CDH12: variants seen among roughly 807,000 people sequenced by gnomAD.
The protein encoded by CDH12 is cadherin-12.
Under a neutral mutation model 74.1 loss-of-function variants are expected in CDH12, and 41 were observed. The ratio of observed to expected loss-of-function variants is 0.55; its 90% CI spans 0.43 to 0.72. The LOEUF (loss-of-function observed/expected upper bound fraction) is 0.72. Among genes scored for constraint, CDH12 ranks in the 30% least tolerant of loss-of-function variants. CDH12 has a pLI of 0.00. For missense variants in CDH12, 945 were observed against 977.2 expected (o/e 0.97, Z 0.44); for synonymous variants, 399 against 355.0 (o/e 1.12, Z -1.39).
chr5:21,931,794 T>A lies in CDH12; in HGVS notation c.526+43297A>T, dbSNP rs553779293. The stretch of plus-strand genomic sequence containing the variant: ...TAAACCTTTTCTTGATTTTGTGTAC[T>A]AAGACTGGCCTTAAGAAGAGACAAA... On this transcript the variant is annotated intron_variant, in intron 6 of 14. Coordinates refer to ENST00000382254, the MANE Select transcript of CDH12 (RefSeq NM_004061.5). 2.8e-4 allele frequency among the ~76,000 whole-genome samples: 42 copies of A among 152,338 alleles called. 4 individuals carry two copies. In the South Asian group the frequency reaches 8.7e-3, roughly 32 times the overall value.
intron 1 of CDH12, among the ~76,000 whole-genome samples, chr5:22,653,406 T>G (rs1306069448): frequency 1.3e-5 from 2 of 151,556 alleles, no homozygotes; most frequent in Non-Finnish European, 2.9e-5. Flanking sequence ...CTGCTCTTCC[T>G]AAGGCCCACG....
chr5:22,486,195 C>T (rs1356625921), intron 2 of CDH12, among the ~76,000 whole-genome samples: 4 of 152,252 alleles, frequency 2.6e-5, no homozygotes, highest in East Asian at 3.9e-4. Context: ...CTCCTTTCTC[C>T]TCTGAAACAT....
intron 6 of CDH12, among the ~76,000 whole-genome samples, chr5:21,951,928 G>A (rs545736847): frequency 1.3e-4 from 20 of 152,220 alleles, no homozygotes; most frequent in Admixed American, 5.2e-4. Context: ...TTTGAATAGC[G>A]TCTGTTTATT....
chr5:21,915,782 T>A (rs1754058221), intron 6 of CDH12, among the ~76,000 whole-genome samples: 1 of 150,980 alleles, frequency 6.6e-6, no homozygotes, highest in South Asian at 2.1e-4. Context: ...TTACGCTCCA[T>A]CCGCTAAGCC....
At chr5:22,582,978 C>G (rs1244802822) in intron 1 of CDH12, among the ~76,000 whole-genome samples, 1 of 152,060 alleles carries the variant, frequency 6.6e-6, no homozygotes, top group Non-Finnish European at 1.5e-5. Context: ...AAAGGGTCAT[C>G]TACCATAGAA....
At chr5:22,255,317 G>A (rs1753273508) in intron 3 of CDH12, among the ~76,000 whole-genome samples, 1 of 151,402 alleles carries the variant, frequency 6.6e-6, no homozygotes. Context: ...AGGCTCAAGA[G>A]AATTAAGATC....
At chr5:21,754,861 A>T (rs1430773154) in intron 14 of CDH12, among the ~76,000 whole-genome samples, 1 of 152,218 alleles carries the variant, frequency 6.6e-6, no homozygotes, top group Non-Finnish European at 1.5e-5. Context: ...TAATAAATGG[A>T]GAAGCTGAAC....
chr5:21,964,349 C>T (rs1435341801), intron 6 of CDH12, among the ~76,000 whole-genome samples: 7 of 151,992 alleles, frequency 4.6e-5, no homozygotes, highest in Non-Finnish European at 8.8e-5. Context: ...CTAAGTTTTA[C>T]ACAAGGAAGC....
At chr5:21,841,665 A>G (rs1164816300) in intron 8 of CDH12, among the ~76,000 whole-genome samples, 1 of 151,936 alleles carries the variant, frequency 6.6e-6, no homozygotes, top group Non-Finnish European at 1.5e-5. Flanking sequence ...ACACCATGGA[A>G]TACTATGCAG....
chr5:21,861,381 A>G (rs149640122), intron 6 of CDH12, among the ~76,000 whole-genome samples: 27 of 152,160 alleles, frequency 1.8e-4, no homozygotes, highest in Non-Finnish European at 3.7e-4. Flanking sequence ...GTGCAATTGC[A>G]TTAATTTAAA....
At chr5:21,978,731 G>A (rs1232087485) in intron 5 of CDH12, among the ~76,000 whole-genome samples, 1 of 152,078 alleles carries the variant, frequency 6.6e-6, no homozygotes, top group Non-Finnish European at 1.5e-5. Context: ...TTCATAAACT[G>A]TGTGGTGAAT....
chr5:22,068,291 C>T (rs965263178), intron 5 of CDH12, among the ~76,000 whole-genome samples: 2 of 152,166 alleles, frequency 1.3e-5, no homozygotes, highest in African/African-American at 4.8e-5. Flanking sequence ...CAAGCCTGTA[C>T]CTATGGCCTC....
At chr5:22,616,226 G>A (rs1737682487) in intron 1 of CDH12, among the ~76,000 whole-genome samples, 1 of 152,056 alleles carries the variant, frequency 6.6e-6, no homozygotes, top group East Asian at 1.9e-4. Context: ...AGAGAATTAG[G>A]AGACATAGCA....
intron 1 of CDH12, among the ~76,000 whole-genome samples, chr5:22,836,873 A>G (rs922413004): frequency 6.6e-5 from 10 of 152,158 alleles, no homozygotes; most frequent in Admixed American, 5.9e-4. Context: ...GCTTTCATTC[A>G]TTTTCTGAAA....
rs62348986 is a variant in CDH12, at chr5:22,446,953, C to G, written c.-427-41602G>C. Among the ~76,000 whole-genome samples the G allele has an allele frequency of 5.9e-3, 905 of 152,136 alleles. 5 individuals carry two copies. Among genetic ancestry groups the G allele is most frequent in the Non-Finnish European group, 0.011 (725 of 67,950 alleles). On this transcript the variant is annotated intron_variant, in intron 2 of 14. Transcript: ENST00000382254. ...CTACTCCTAAGATGAGATACATATTCTCTTCTCCCCAATAGTGAGTGTGTT... is the reference window on the plus strand; with the variant it reads ...CTACTCCTAAGATGAGATACATATTGTCTTCTCCCCAATAGTGAGTGTGTT...
At chr5:21,863,833 T>C (rs1423297541) in intron 6 of CDH12, among the ~76,000 whole-genome samples, 3 of 152,158 alleles carry the variant, frequency 2.0e-5, no homozygotes, top group African/African-American at 7.2e-5. Context: ...CAGAATAACA[T>C]GAACGTTTCT....
intron 3 of CDH12, among the ~76,000 whole-genome samples, chr5:22,383,578 G>A (rs567896716): frequency 3.3e-4 from 51 of 152,240 alleles, no homozygotes; most frequent in South Asian, 2.3e-3. Flanking sequence ...AAACGTTGCT[G>A]GTAGAAATTC....
At chr5:22,851,198 C>T (rs1737540946) in intron 1 of CDH12, among the ~76,000 whole-genome samples, 1 of 151,986 alleles carries the variant, frequency 6.6e-6, no homozygotes, top group African/African-American at 2.4e-5. Context: ...CACACTCCCT[C>T]CCCCTCCCCC....
chr5:22,297,561 C>T (rs1274910336), intron 3 of CDH12, among the ~76,000 whole-genome samples: 2 of 152,112 alleles, frequency 1.3e-5, no homozygotes, highest in Non-Finnish European at 2.9e-5. Context: ...ACATATATGG[C>T]AAGAAATACT....
Sources: gnomAD v4.1 joint callset for allele counts (sites outside exome capture counted in the v4.1 genomes callset) on GRCh38, gnomAD v4.1.1 for gene constraint, MANE v1.5 for transcripts, NCBI Gene and HGNC (gene_info 2026-07-23, HGNC 2026-07-21) for gene names.